Variants in NEIL3 observed in about 807,000 individuals in gnomAD.
The protein encoded by NEIL3 is nei like DNA glycosylase 3, also known as endonuclease 8-like 3.
NEIL3 carries 48 observed loss-of-function variants against 57.5 expected under a neutral mutation model. That is an observed-to-expected ratio of 0.83 (90% confidence interval 0.66 to 1.06). The LOEUF (loss-of-function observed/expected upper bound fraction) is 1.06. Ranked by LOEUF, NEIL3 falls within the 50% of genes least tolerant of loss-of-function variation. The probability of loss-of-function intolerance (pLI) is 0.00; values close to 1 mark genes in which losing one functional copy is unlikely to be tolerated. For missense variants in NEIL3, 717 were observed against 739.1 expected (o/e 0.97, Z 0.35); for synonymous variants, 261 against 253.2 (o/e 1.03, Z -0.29).
intron 2 of NEIL3, among the ~76,000 whole-genome samples, chr4:177,333,102 A>G (rs978742140): frequency 1.3e-5 from 2 of 152,034 alleles, no homozygotes; most frequent in South Asian, 4.2e-4. Flanking sequence ...AGGTTTTACA[A>G]CTATTATATT....
chr4:177,323,478 A>G (rs985901893), intron 2 of NEIL3, among the ~76,000 whole-genome samples: 3 of 152,196 alleles, frequency 2.0e-5, no homozygotes, highest in African/African-American at 7.2e-5. Flanking sequence ...ACATATTTAG[A>G]GTAATCCAGG....
chr4:177,329,632 AAC>A (rs1734845009), intron 2 of NEIL3, among the ~76,000 whole-genome samples: 1 of 152,224 alleles, frequency 6.6e-6, no homozygotes, highest in Non-Finnish European at 1.5e-5. Context: ...TGAATAATTC[AAC>A]ACTCTCTTGT....
At position 177,346,081 on chromosome 4, in the gene NEIL3, A is replaced by G. The variant is rs115869406; in HGVS notation, c.869+4439A>G. Among the ~76,000 whole-genome samples the G allele has an allele frequency of 2.0e-3, 306 of 152,242 alleles. 1 individual carries two copies. Among genetic ancestry groups the G allele is most frequent in the Non-Finnish European group, 1.5e-3 (101 of 68,004 alleles). The stretch of plus-strand genomic sequence containing the variant: ...GGCTTAATGAACAAATTTTGCCCCT[A>G]CATATCTATTACAACTGCTCTCTTG... On this transcript the variant is annotated intron_variant, in intron 6 of 9. Coordinates refer to ENST00000264596, the MANE Select transcript of NEIL3 (RefSeq NM_018248.3).
At chr4:177,364,730 C>T (rs762169210), downstream of NEIL3, among the ~76,000 whole-genome samples, 9 of 151,998 alleles carry the variant, frequency 5.9e-5, no homozygotes, top group Admixed American at 2.0e-4. Flanking sequence ...GAGTTGGAGA[C>T]CATCCTGGCC....
At chr4:177,317,732 G>T (rs371450198) in intron 1 of NEIL3, among the ~76,000 whole-genome samples, 36 of 147,820 alleles carry the variant, frequency 2.4e-4, no homozygotes, top group African/African-American at 8.5e-4. Flanking sequence ...CTCCCAAATA[G>T]CTGGGATTAC....
chr4:177,316,291 G>A (rs1023982014), intron 1 of NEIL3, among the ~76,000 whole-genome samples: 4 of 152,140 alleles, frequency 2.6e-5, no homozygotes, highest in African/African-American at 7.2e-5. Flanking sequence ...TAAATGCTAA[G>A]TAAACTTGTC....
Position 177,336,212 on chromosome 4 carries a change from A to G in NEIL3, c.518A>G (p.Lys173Arg). 6.2e-7 allele frequency: 1 copy of G among 1,614,200 alleles called. No homozygotes were observed. The highest frequency in any genetic ancestry group is 1.1e-5 in the South Asian group (1 of 91,082). The change falls in exon 4 of 10, where the codon AAA (lysine) becomes AGA (arginine). Residue 173 changes from lysine (K) to arginine (R), a missense_variant. Transcript: ENST00000264596. ...LRAESEVKKQ[K>R]GRMLGDVLMD... ...GCAGAAAGTGAAGTTAAAAAACAGA[A>G]AGGCCGGATGCTAGGTGATGTGCTA...
At position 177,351,532 on chromosome 4, in the gene NEIL3, T is replaced by A; in HGVS notation, c.1022T>A (p.Leu341Ter). 6.2e-7 allele frequency: 1 copy of A among 1,613,244 alleles called. No individual in the cohort carries two copies. Among genetic ancestry groups the A allele is most frequent in the Non-Finnish European group, 8.5e-7 (1 of 1,179,656 alleles). The change falls in exon 7 of 10, where the codon TTG becomes TAG. Residue 341 changes from leucine to a stop codon, truncating the protein, a stop_gained. Transcript: ENST00000264596. LOFTEE classifies it high-confidence loss of function. ...TCTTCTAAGGCATGTGATGCTTGCT[T>A]GACCTCAAGGCCTATTGGTAAGACT... ...KPSSKACDAC[L>*]TSRPIDSVLK...
At chr4:177,326,594 C>CT (rs1734784039) in intron 2 of NEIL3, among the ~76,000 whole-genome samples, 1 of 150,842 alleles carries the variant, frequency 6.6e-6, no homozygotes, top group Non-Finnish European at 1.5e-5. Context: ...CTACAGAGTT[C>CT]TTTCTGGCAT....
chr4:177,367,905 T>C (rs1018284928), downstream of NEIL3, among the ~76,000 whole-genome samples: 1 of 152,148 alleles, frequency 6.6e-6, no homozygotes. Context: ...GTAATAGACT[T>C]TGTTGCTGTT....
chr4:177,351,627 C>A, intron 7 of NEIL3, 78 bp downstream of exon 7: 1 of 1,138,628 alleles, frequency 8.8e-7, no homozygotes, highest in African/African-American at 1.6e-5. Context: ...ATATCTTGCT[C>A]CATCTTGATA....
intron 7 of NEIL3, among the ~76,000 whole-genome samples, chr4:177,353,067 T>C (rs964368115): frequency 3.9e-5 from 6 of 152,134 alleles, no homozygotes; most frequent in Admixed American, 6.5e-5. Context: ...AATATAAATC[T>C]TTGTTAAACC....
intron 6 of NEIL3, among the ~76,000 whole-genome samples, chr4:177,345,661 A>C (rs533062657): frequency 1.1e-3 from 156 of 145,260 alleles, no homozygotes; most frequent in African/African-American, 3.8e-3. Context: ...GATTACAGGC[A>C]TGAGCCACCA....
chr4:177,338,024 T>TCTCACACA (rs71597499), intron 4 of NEIL3, among the ~76,000 whole-genome samples: 180 of 149,478 alleles, frequency 1.2e-3, no homozygotes, highest in African/African-American at 4.2e-3. Context: ...TCTCTCTCTC[T>TCTCACACA]CACACACACA....
At chr4:177,351,272 AATAAAGAG>A in intron 6 of NEIL3, 100 bp from the exon 7 acceptor site, 1 of 653,042 alleles carries the variant, frequency 1.5e-6, no homozygotes, top group South Asian at 2.1e-5. Context: ...TCCAAGCAAT[AATAAAGAG>A]ATAGCATTGG....
chr4:177,334,958 G>T (rs746707076), intron 2 of NEIL3, among the ~76,000 whole-genome samples: 3 of 152,174 alleles, frequency 2.0e-5, no homozygotes, highest in Non-Finnish European at 4.4e-5. Flanking sequence ...AATCTGAAAG[G>T]TTACGAATTT....
chr4:177,362,993 T>C (rs1735640503), downstream of NEIL3: 1 of 152,262 alleles, frequency 6.6e-6, no homozygotes, highest in African/African-American at 2.4e-5. Context: ...TGTTAGAGGC[T>C]GGGGCTATGC....
intron 4 of NEIL3, 22 bp from the exon 5 acceptor site, chr4:177,339,761 C>T (rs1306136469): frequency 6.5e-7 from 1 of 1,547,470 alleles, no homozygotes; most frequent in Non-Finnish European, 8.9e-7. Context: ...AAACTAGGCT[C>T]TGCTGTTTTT....
intron 2 of NEIL3, among the ~76,000 whole-genome samples, chr4:177,328,631 G>T (rs1036647027): frequency 6.6e-6 from 1 of 152,058 alleles, no homozygotes; most frequent in Admixed American, 6.6e-5. Context: ...TCGAAAAAAA[G>T]AAGCTAAGAG....
Sources: gnomAD v4.1 joint callset for allele counts (sites outside exome capture counted in the v4.1 genomes callset) on GRCh38, gnomAD v4.1.1 for gene constraint, MANE v1.5 for transcripts, NCBI Gene and HGNC (gene_info 2026-07-23, HGNC 2026-07-21) for gene names.